Variants in C10orf143 observed in about 807,000 individuals in gnomAD.
The protein encoded by C10orf143 is chromosome 10 open reading frame 143, also known as uncharacterized protein C10orf143.
intron 3 of C10orf143, chr10:130,066,214 G>T (rs1428603194): frequency 4.1e-5 from 6 of 147,288 alleles, no homozygotes; most frequent in Non-Finnish European, 7.4e-5. Flanking sequence ...TTGAGACAGG[G>T]TCTGGCTCTG....
intron 1 of C10orf143, among the ~76,000 whole-genome samples, chr10:130,082,048 A>G (rs1329088530): frequency 1.3e-5 from 2 of 152,022 alleles, no homozygotes; most frequent in Non-Finnish European, 2.9e-5. Context: ...ATAATTAAAC[A>G]CAGTGGCACA....
intron 3 of C10orf143, among the ~76,000 whole-genome samples, chr10:130,052,232 A>C (rs1339791777): frequency 2.6e-5 from 4 of 151,848 alleles, no homozygotes; most frequent in African/African-American, 9.7e-5. Flanking sequence ...CCTGGACGGG[A>C]GCCCGATGGG....
intron 3 of C10orf143, among the ~76,000 whole-genome samples, chr10:130,053,643 G>A (rs1393529230): frequency 1.3e-5 from 2 of 152,210 alleles, no homozygotes; most frequent in Admixed American, 1.3e-4. Flanking sequence ...ACTCGGGGCA[G>A]TTTGCGGGTA....
At chr10:130,077,076 C>A (rs1171777194) in intron 3 of C10orf143, among the ~76,000 whole-genome samples, 3 of 152,052 alleles carry the variant, frequency 2.0e-5, no homozygotes, top group Admixed American at 1.3e-4. Context: ...AGGAGATAAA[C>A]CCTAACAGTA....
At chr10:130,036,850 G>A (rs534727194) in intron 3 of C10orf143, among the ~76,000 whole-genome samples, 4 of 152,212 alleles carry the variant, frequency 2.6e-5, no homozygotes, top group African/African-American at 9.6e-5. Context: ...CAGGGTATGG[G>A]CCTGTCCTGG....
chr10:130,063,130 T>C (rs1488829237), downstream of C10orf143, among the ~76,000 whole-genome samples: 1 of 152,102 alleles, frequency 6.6e-6, no homozygotes, highest in East Asian at 1.9e-4. Flanking sequence ...CCGGGGACTG[T>C]TCTCTACAAA....
At chr10:130,058,819 T>C (rs1338239856) in intron 3 of C10orf143, among the ~76,000 whole-genome samples, 1 of 151,478 alleles carries the variant, frequency 6.6e-6, no homozygotes, top group African/African-American at 2.4e-5. Context: ...TTATGTGGGT[T>C]TTTTTTTTGA....
intron 1 of C10orf143, among the ~76,000 whole-genome samples, chr10:130,098,738 C>T (rs1256035330): frequency 3.3e-5 from 5 of 152,266 alleles, no homozygotes; most frequent in African/African-American, 9.6e-5. Flanking sequence ...GCCTCCTTGC[C>T]GATCCTAACC....
intron 1 of C10orf143, among the ~76,000 whole-genome samples, chr10:130,092,289 C>T (rs1039929631): frequency 6.6e-6 from 1 of 152,150 alleles, no homozygotes; most frequent in East Asian, 1.9e-4. Flanking sequence ...GAATTTTCAA[C>T]CCAGAATTTC....
At chr10:130,074,077 G>T (rs1191217980) in intron 3 of C10orf143, among the ~76,000 whole-genome samples, 1 of 152,162 alleles carries the variant, frequency 6.6e-6, no homozygotes, top group Non-Finnish European at 1.5e-5. Context: ...GTTCTCATAG[G>T]GTGTTCGAGC....
intron 3 of C10orf143, among the ~76,000 whole-genome samples, chr10:130,037,443 T>G (rs1860557193): frequency 6.6e-6 from 1 of 152,208 alleles, no homozygotes; most frequent in Non-Finnish European, 1.5e-5. Context: ...CTGCCTGCTG[T>G]GGGTGGACCA....
At chr10:130,050,030 A>G (rs1860718346) in intron 3 of C10orf143, among the ~76,000 whole-genome samples, 1 of 152,238 alleles carries the variant, frequency 6.6e-6, no homozygotes, top group Non-Finnish European at 1.5e-5. Flanking sequence ...GGGCCTCGAC[A>G]GTGTGCATGG....
chr10:130,098,017 TA>T (rs59790850), intron 1 of C10orf143, among the ~76,000 whole-genome samples: 32 of 146,888 alleles, frequency 2.2e-4, no homozygotes, highest in African/African-American at 5.5e-4. Context: ...ATTACACACT[TA>T]AAAAAAAAAA....
chr10:130,065,008 A>G lies in C10orf143; in HGVS notation c.298-625T>C, dbSNP rs1219715207. On this transcript the variant is annotated intron_variant, in intron 3 of 3. Coordinates refer to ENST00000637128, the MANE Select transcript of C10orf143 (RefSeq NM_001355042.2). The surrounding 1 kb of genome is among the most constrained non-coding windows in gnomAD (Gnocchi z 4.2). ...ATATCCTGGCACATAGCAGCGTGGC[A>G]CTCTGGCCCACAGGCAGAGACAGGC... 1 of 152,328 alleles carries G rather than the reference A, an allele frequency of 6.6e-6. No individual in the cohort carries two copies. The highest frequency in any genetic ancestry group is 1.5e-5 in the Non-Finnish European group (1 of 68,132). The allele number at this position is 152,328 out of a possible 1,614,324, so 9.4% of individuals were successfully genotyped here.
In C10orf143 at chr10:130,040,649, A is replaced by G. The variant is rs199801050; in HGVS notation, c.298-4679T>C. Among the ~76,000 whole-genome samples the G allele has an allele frequency of 3.9e-5, 6 of 152,290 alleles. No individual in the cohort carries two copies. The East Asian group carries it at 1.2e-3, about 29-fold the overall frequency. On this transcript the variant is annotated intron_variant and NMD_transcript_variant, in intron 3 of 5. Coordinates refer to the C10orf143 transcript ENST00000643056. ...GGATTTCGAGACCAACCTGGCCAAC[A>G]TGGTGAAATCCTGTCTCTACTAAAA...
intron 1 of C10orf143, among the ~76,000 whole-genome samples, chr10:130,101,865 C>A (rs2764367): frequency 0.5 from 23,719 of 47,764 alleles, 3,266 homozygotes; most frequent in Middle Eastern, 0.57. Context: ...AAAAAAAAAC[C>A]AAAAAAAAAA....
chr10:130,103,519 AC>A (rs1459701180), intron 1 of C10orf143, among the ~76,000 whole-genome samples: 1 of 152,120 alleles, frequency 6.6e-6, no homozygotes, highest in Admixed American at 6.6e-5. Flanking sequence ...ACACACTTGT[AC>A]ACGAGGCCAG....
At chr10:130,050,696 C>T (rs1162393990) in intron 3 of C10orf143, among the ~76,000 whole-genome samples, 4 of 152,228 alleles carry the variant, frequency 2.6e-5, no homozygotes, top group Non-Finnish European at 4.4e-5. Flanking sequence ...GTTCATTTCA[C>T]ATAAACAAAG....
chr10:130,085,982 C>A (rs1475748718), intron 1 of C10orf143, among the ~76,000 whole-genome samples: 1 of 152,208 alleles, frequency 6.6e-6, no homozygotes, highest in African/African-American at 2.4e-5. Flanking sequence ...TTCTCTCCAA[C>A]CAAATATCCC....
Sources: allele counts gnomAD v4.1 joint callset (sites outside exome capture counted in the v4.1 genomes callset), GRCh38; gene constraint gnomAD v4.1.1; non-coding constraint Gnocchi (gnomAD v3.1); transcripts MANE v1.5; gene names NCBI Gene and HGNC (gene_info 2026-07-23, HGNC 2026-07-21).